SMO: variants seen among roughly 807,000 people sequenced by gnomAD.
SMO encodes the protein smoothened, frizzled class receptor.
In SMO, 40 loss-of-function variants were observed where a neutral mutation model predicts 81.6. The observed-to-expected ratio is 0.49, with a 90% CI of 0.38 to 0.64. The LOEUF (loss-of-function observed/expected upper bound fraction) is 0.64. SMO is among the 30% of genes least tolerant of loss of function. The probability of loss-of-function intolerance (pLI) is 0.00; values close to 1 mark genes in which losing one functional copy is unlikely to be tolerated. For synonymous variants in SMO, 434 were observed against 432.1 expected (o/e 1.00, Z -0.05); for missense variants, 916 against 1,061.1 (o/e 0.86, Z 1.90).
At chr7:129,207,698 G>C (rs980362910) in intron 6 of SMO, among the ~76,000 whole-genome samples, 7 of 152,130 alleles carry the variant, frequency 4.6e-5, no homozygotes, top group Admixed American at 6.6e-5. Context: ...TTCGAGACCA[G>C]CCTGAACAAC....
In SMO at chr7:129,189,646, G is replaced by A. The variant is rs139195453; in HGVS notation, c.331+164G>A. Reference sequence around the variant, plus strand: ...AACTTTGGGGGCAGGTTACGTGCAGGATGGGACCCTCGGTCATGGGAAAAG... The same window carrying A: ...AACTTTGGGGGCAGGTTACGTGCAGAATGGGACCCTCGGTCATGGGAAAAG... On this transcript the variant is annotated intron_variant, in intron 1 of 11. Transcript: ENST00000249373. The surrounding 1 kb of genome is among the most constrained non-coding windows in gnomAD (Gnocchi z 4.7). Among the ~76,000 whole-genome samples the A allele has an allele frequency of 1.4e-3, 215 of 152,318 alleles. No individual in the cohort carries two copies. The highest frequency in any genetic ancestry group is 2.8e-3 in the Non-Finnish European group (190 of 68,030).
Position 129,212,362 on chromosome 7 carries a change from G to A in SMO, c.2275G>A (p.Ala759Thr), listed in dbSNP as rs1488974485. 1.2e-6 allele frequency: 2 copies of A among 1,614,054 alleles called. No homozygotes were observed. The highest frequency in any genetic ancestry group is 1.7e-6 in the Non-Finnish European group (2 of 1,180,026). The change falls in exon 12 of 12, where the codon GCT becomes ACT. Residue 759 changes from alanine to threonine, a missense_variant. Physicochemically the swap from Ala to Thr is moderately conservative, Grantham distance 58 (BLOSUM62 0). Coordinates refer to ENST00000249373, the MANE Select transcript of SMO (RefSeq NM_005631.5). This position sits in a 1 kb window ranked among gnomAD's most constrained non-coding sequence, Gnocchi z 5.0. ...CAGTGCACCGGCCCCCGTGGCATGG[G>A]CTCATGGCCGCCGACAGGGCCTGGG... ...LPSAPAPVAW[A>T]HGRRQGLGPI... is the part of the protein sequence containing the mutation.
At position 129,213,209 on chromosome 7, in the gene SMO, C is replaced by G. The variant is rs1584667535; in HGVS notation, c.*758C>G. On this transcript the variant is annotated 3_prime_UTR_variant, in exon 12 of 12. Coordinates refer to ENST00000249373, the MANE Select transcript of SMO (RefSeq NM_005631.5). ...CTGGGCCCCATCTCCACAGGAGAGA[C>G]TGGTTCAGCTCTAGGGCCTCAGTCT... is the stretch of plus-strand genomic sequence containing the variant. 4.3e-6 allele frequency: 1 copy of G among 233,696 alleles called. No homozygotes were observed. Among genetic ancestry groups the G allele is most frequent in the Middle Eastern group, 1.3e-3 (1 of 792 alleles). 14.5% of individuals were successfully genotyped at this position (233,696 alleles called of 1,614,324 possible).
rs1228437186 is a variant in SMO at position 129,189,507 on chromosome 7, G to T, written c.331+25G>T. The T allele has an allele frequency of 1.3e-6, 2 of 1,534,202 alleles. No homozygotes were observed. Among genetic ancestry groups the T allele is most frequent in the East Asian group, 4.9e-5 (2 of 40,846 alleles). On this transcript the variant is annotated intron_variant, in intron 1 of 11. Transcript: ENST00000249373. This position sits in a 1 kb window ranked among gnomAD's most constrained non-coding sequence, Gnocchi z 4.7. ...GGTAAGTGCGGCGGAGCCGGGTCTG[G>T]GGGGCGGGAGGTGCCGCGGTAAGAT...
intron 1 of SMO, among the ~76,000 whole-genome samples, chr7:129,200,293 C>T (rs914753634): frequency 1.6e-4 from 24 of 152,024 alleles, no homozygotes; most frequent in African/African-American, 5.8e-4. Context: ...TGGTGGCGGG[C>T]GCCTGTAATC....
chr7:129,211,125 C>T lies in SMO; in HGVS notation c.1801+12C>T, dbSNP rs1793862926. The T allele has an allele frequency of 6.3e-7, 1 of 1,594,828 alleles. No individual in the cohort carries two copies. The highest frequency in any genetic ancestry group is 8.5e-7 in the Non-Finnish European group (1 of 1,169,964). On this transcript the variant is annotated intron_variant, in intron 10 of 11. Coordinates refer to ENST00000249373, the MANE Select transcript of SMO (RefSeq NM_005631.5). The surrounding 1 kb of genome is among the most constrained non-coding windows in gnomAD (Gnocchi z 4.6). ...CGACGGGCCCGTGGGTGAGCCTCAC[C>T]CCTCCTCTACCGGAGCCGCCTGGCC...
rs765830913 is a variant in SMO, at chr7:129,212,374, C to T, written c.2287C>T (p.Arg763Ter). ...CCCCGTGGCATGGGCTCATGGCCGCCGACAGGGCCTGGGGCCTATTCACTC... is the reference window on the plus strand; with the variant it reads ...CCCCGTGGCATGGGCTCATGGCCGCTGACAGGGCCTGGGGCCTATTCACTC... ...PAPVAWAHGR[R>*]QGLGPIHSRT... The change falls in exon 12 of 12, where the codon CGA becomes TGA. Residue 763 changes from arginine (R) to a stop codon, truncating the protein, a stop_gained. Coordinates refer to ENST00000249373, the MANE Select transcript of SMO (RefSeq NM_005631.5). LOFTEE classifies it high-confidence loss of function. The surrounding 1 kb of genome is among the most constrained non-coding windows in gnomAD (Gnocchi z 5.0). 5.6e-6 allele frequency: 9 copies of T among 1,613,934 alleles called. No individual in the cohort carries two copies. Among genetic ancestry groups the T allele is most frequent in the Admixed American group, 1.7e-5 (1 of 60,008 alleles).
chr7:129,211,313 C>T lies in SMO; in HGVS notation c.1801+200C>T, dbSNP rs1343638210. On this transcript the variant is annotated intron_variant, in intron 10 of 11. Coordinates refer to ENST00000249373, the MANE Select transcript of SMO (RefSeq NM_005631.5). This position sits in a 1 kb window ranked among gnomAD's most constrained non-coding sequence, Gnocchi z 4.6. ...GGCTCTCCCCTCTCTGTTTCTGCCC[C>T]TGGGTCTGCTTGCCGGTGCTTGGGT... 2.7e-6 allele frequency: 2 copies of T among 735,824 alleles called. No individual in the cohort carries two copies. Among genetic ancestry groups the T allele is most frequent in the Non-Finnish European group, 2.4e-6 (1 of 416,624 alleles). 45.6% of individuals were successfully genotyped at this position (735,824 alleles called of 1,614,324 possible).
At chr7:129,195,883 C>T (rs984255654) in intron 1 of SMO, among the ~76,000 whole-genome samples, 3 of 152,016 alleles carry the variant, frequency 2.0e-5, no homozygotes, top group South Asian at 2.1e-4. Context: ...GGGCAGATCA[C>T]GAGGTCAGGA....
intron 4 of SMO, 44 bp downstream of exon 4, chr7:129,205,826 G>A (rs776683619): frequency 1.3e-6 from 2 of 1,563,772 alleles, no homozygotes; most frequent in Middle Eastern, 1.8e-4. Context: ...AGGGAGGAAG[G>A]CTGAAGTGTG....
Position 129,211,625 on chromosome 7 carries a change from C to T in SMO, c.1802-11C>T, listed in dbSNP as rs1285454072. On this transcript the variant is annotated splice_polypyrimidine_tract_variant and intron_variant, in intron 10 of 11. Transcript: ENST00000249373. This position sits in a 1 kb window ranked among gnomAD's most constrained non-coding sequence, Gnocchi z 4.6. ...CTATTCCTTCTCCTTTCCTTCCTTC[C>T]ATTCCCACAGCGGGCTTGGCCTTTG... 1 of 1,611,828 alleles carries T rather than the reference C, an allele frequency of 6.2e-7. No individual in the cohort carries two copies.
chr7:129,207,782 A>G (rs555805946), intron 6 of SMO, among the ~76,000 whole-genome samples: 4 of 152,188 alleles, frequency 2.6e-5, no homozygotes, highest in Admixed American at 1.3e-4. Flanking sequence ...GGTCCTAGCT[A>G]TGTGAGAGGC....
intron 1 of SMO, among the ~76,000 whole-genome samples, chr7:129,197,631 G>T (rs1376418672): frequency 6.6e-6 from 1 of 152,042 alleles, no homozygotes; most frequent in Non-Finnish European, 1.5e-5. Flanking sequence ...GTTTCACCGT[G>T]TTAGCCAGGT....
At chr7:129,198,597 G>A (rs1320240509) in intron 1 of SMO, among the ~76,000 whole-genome samples, 1 of 152,204 alleles carries the variant, frequency 6.6e-6, no homozygotes, top group African/African-American at 2.4e-5. Context: ...ACATGTGATG[G>A]TGTTCCCTTA....
At position 129,211,185 on chromosome 7, in the gene SMO, C is replaced by T. The variant is rs2150655068; in HGVS notation, c.1801+72C>T. ...CCATGTGCTAGTCTCTCCCAGCCTG[C>T]TGGGGGCACACAGATTATTTGGAAG... On this transcript the variant is annotated intron_variant, in intron 10 of 11. Coordinates refer to ENST00000249373, the MANE Select transcript of SMO (RefSeq NM_005631.5). The surrounding 1 kb of genome is among the most constrained non-coding windows in gnomAD (Gnocchi z 4.6). 2 of 1,479,904 alleles carry T rather than the reference C, an allele frequency of 1.4e-6. No homozygotes were observed. Among genetic ancestry groups the T allele is most frequent in the Non-Finnish European group, 1.8e-6 (2 of 1,083,352 alleles). The allele number at this position is 1,479,904 out of a possible 1,614,324, so 91.7% of individuals were successfully genotyped here.
At chr7:129,209,716 C>T (rs1465342861) in intron 8 of SMO, 2 of 306,250 alleles carry the variant, frequency 6.5e-6, no homozygotes, top group African/African-American at 2.1e-5. Context: ...TCTGTGTGCT[C>T]TCCTGCAGAG....
intron 1 of SMO, among the ~76,000 whole-genome samples, chr7:129,191,446 A>G (rs907280564): frequency 2.6e-5 from 4 of 152,172 alleles, no homozygotes; most frequent in Non-Finnish European, 5.9e-5. Context: ...TTAGTTCACT[A>G]TGAGTTCTTC....
At position 129,211,085 on chromosome 7, in the gene SMO, G is replaced by A. The variant is rs2150654808; in HGVS notation, c.1773G>A (p.Met591Ile). 6.2e-7 allele frequency: 1 copy of A among 1,612,894 alleles called. No homozygotes were observed. Among genetic ancestry groups the A allele is most frequent in the Non-Finnish European group, 8.5e-7 (1 of 1,179,462 alleles). ...QNPGQELSFS[M>I]HTVSHDGPVA... ...CAGGCCAGGAGCTGTCCTTCAGCATGCACACTGTGTCCCACGACGGGCCCG... is the reference window on the plus strand; with the variant it reads ...CAGGCCAGGAGCTGTCCTTCAGCATACACACTGTGTCCCACGACGGGCCCG... The change falls in exon 10 of 12, where the codon ATG (methionine) becomes ATA (isoleucine). Residue 591 changes from methionine (M) to isoleucine (I), a missense_variant. Physicochemically the swap from Met to Ile is conservative, Grantham distance 10. Around this residue, in one of 4 missense-constraint regions of SMO, gnomAD observed 324 missense variants for 312.9 expected, o/e 1.04. Coordinates refer to ENST00000249373, the MANE Select transcript of SMO (RefSeq NM_005631.5). The surrounding 1 kb of genome is among the most constrained non-coding windows in gnomAD (Gnocchi z 4.6).
At chr7:129,204,160 C>T (rs535259121) in intron 2 of SMO, among the ~76,000 whole-genome samples, 1 of 151,964 alleles carries the variant, frequency 6.6e-6, no homozygotes, top group Non-Finnish European at 1.5e-5. Flanking sequence ...TGGCAAAACC[C>T]TGTCTCTACT....
Sources: allele counts gnomAD v4.1 joint callset (sites outside exome capture counted in the v4.1 genomes callset), GRCh38; gene constraint gnomAD v4.1.1; regional missense constraint gnomAD v4.1.1; non-coding constraint Gnocchi (gnomAD v3.1); transcripts MANE v1.5; gene names NCBI Gene and HGNC (gene_info 2026-07-23, HGNC 2026-07-21).